The following KSR1 variants were observed in gnomAD, a reference collection of about 807,000 sequenced individuals.
The protein encoded by KSR1 is kinase suppressor of ras 1, also known as kinase suppressor of ras.
A neutral mutation model predicts 92.9 loss-of-function variants in KSR1; 35 were observed. The ratio of observed to expected loss-of-function variants is 0.38; its 90% CI spans 0.29 to 0.50. The LOEUF is 0.50. Ranked by LOEUF, KSR1 falls within the 20% of genes least tolerant of loss-of-function variation. The pLI, the probability that KSR1 is intolerant of heterozygous loss-of-function variation, is 0.94. For synonymous variants in KSR1, 467 were observed against 472.6 expected, an observed-to-expected ratio of 0.99 and a Z score of 0.15; for missense variants, 972 against 1,158.5, an observed-to-expected ratio of 0.84 and a Z score of 2.34.
intron 12 of KSR1, 86 bp from the exon 13 acceptor site, chr17:27,604,594 T>C (rs1397035171): frequency 7.5e-7 from 1 of 1,337,314 alleles, no homozygotes; most frequent in South Asian, 1.2e-5. Context: ...AGTACCTTTG[T>C]CTCAGATCTC....
chr17:27,502,118 C>G (rs1278219685), intron 1 of KSR1, among the ~76,000 whole-genome samples: 1 of 152,218 alleles, frequency 6.6e-6, no homozygotes, highest in Non-Finnish European at 1.5e-5. Flanking sequence ...GAAGAGTGAG[C>G]AAGGGGCTGA....
intron 1 of KSR1, among the ~76,000 whole-genome samples, chr17:27,527,617 A>G (rs1245169749): frequency 6.6e-6 from 1 of 151,414 alleles, no homozygotes; most frequent in Non-Finnish European, 1.5e-5. Context: ...CTGGCCTTGA[A>G]CTCCTGACCT....
intron 2 of KSR1, among the ~76,000 whole-genome samples, chr17:27,563,218 G>A (rs565504928): frequency 4.6e-5 from 7 of 152,088 alleles, no homozygotes; most frequent in Non-Finnish European, 8.8e-5. Context: ...TAGCAAATCC[G>A]GTTATGTTAC....
chr17:27,526,935 C>CCTTTCATGGTT (rs2070328188), intron 1 of KSR1: 1 of 607,072 alleles, frequency 1.6e-6, no homozygotes, highest in South Asian at 2.0e-5. Flanking sequence ...GGGGCTGACG[C>CCTTTCATGGTT]TCCCTTTCAC....
At chr17:27,537,721 A>G (rs2070802949) in intron 1 of KSR1, among the ~76,000 whole-genome samples, 1 of 152,160 alleles carries the variant, frequency 6.6e-6, no homozygotes, top group East Asian at 1.9e-4. Context: ...AAATAAAAAT[A>G]CCTATCGGGA....
chr17:27,555,511 C>CGTGTGTGT (rs71359222), intron 2 of KSR1, among the ~76,000 whole-genome samples: 3,162 of 150,168 alleles, frequency 0.021, 96 homozygotes, highest in African/African-American at 0.07. Flanking sequence ...TTTTGTTTGG[C>CGTGTGTGT]GTGTGTGTGT....
intron 1 of KSR1, among the ~76,000 whole-genome samples, chr17:27,467,300 G>T (rs1395313670): frequency 6.6e-6 from 1 of 152,206 alleles, no homozygotes; most frequent in Admixed American, 6.5e-5. Context: ...TCTAGGCTCT[G>T]GGGGGTAGCC....
At chr17:27,526,283 A>T in intron 1 of KSR1, 1 of 776,078 alleles carries the variant, frequency 1.3e-6, no homozygotes, top group South Asian at 1.9e-5. Context: ...CTACCACTCA[A>T]ATTTTCCTAG....
At chr17:27,473,790 C>G (rs927878805) in intron 1 of KSR1, among the ~76,000 whole-genome samples, 3 of 152,060 alleles carry the variant, frequency 2.0e-5, no homozygotes, top group African/African-American at 4.8e-5. Flanking sequence ...AAGGAAGAAT[C>G]CATCAACGAA....
chr17:27,505,366 C>G (rs533700794), intron 1 of KSR1, among the ~76,000 whole-genome samples: 1 of 152,348 alleles, frequency 6.6e-6, no homozygotes, highest in African/African-American at 2.4e-5. Context: ...TGACTCTGCC[C>G]CTTCTCTGTC....
rs867566515 is a variant in KSR1, at chr17:27,601,277, C to T, written c.1469-83C>T. 1.3e-4 allele frequency: 161 copies of T among 1,256,766 alleles called. No homozygotes were observed. The Middle Eastern group carries it at 5.2e-3, about 41-fold the overall frequency. 77.9% of individuals were successfully genotyped at this position (1,256,766 alleles called of 1,614,324 possible). Reference sequence around the variant, plus strand: ...CCAGCCCAGTAACAAGTCCCTGCCTCCCAAGCCGGTACCTGCAATTCCGCT... The same window carrying T: ...CCAGCCCAGTAACAAGTCCCTGCCTTCCAAGCCGGTACCTGCAATTCCGCT... On this transcript the variant is annotated intron_variant, in intron 10 of 20. Transcript: ENST00000644974.
intron 9 of KSR1, among the ~76,000 whole-genome samples, chr17:27,595,028 A>T (rs1021922395): frequency 6.6e-6 from 1 of 152,078 alleles, no homozygotes; most frequent in South Asian, 2.1e-4. Context: ...TCCAGCTCCC[A>T]CTTCTAGCTT....
intron 1 of KSR1, among the ~76,000 whole-genome samples, chr17:27,464,103 T>C (rs1057163565): frequency 3.3e-5 from 5 of 152,142 alleles, no homozygotes; most frequent in African/African-American, 1.2e-4. Context: ...GTCTGGCCTG[T>C]TGACTGAGGG....
At chr17:27,471,994 G>GCCTGCTTGGGGGCACCTGGACC (rs2020037204) in intron 1 of KSR1, 1 of 152,224 alleles carries the variant, frequency 6.6e-6, no homozygotes, top group Non-Finnish European at 1.5e-5. Flanking sequence ...GGCAGTCCCG[G>GCCTGCTTGGGGGCACCTGGACC]CCTGCTTGGG....
chr17:27,581,560 T>C (rs769381484), intron 3 of KSR1, among the ~76,000 whole-genome samples: 9 of 152,110 alleles, frequency 5.9e-5, no homozygotes, highest in Non-Finnish European at 1.0e-4. Flanking sequence ...AGCTGGCTCA[T>C]GTGGAGCTAG....
In KSR1 at chr17:27,605,522, G is replaced by A. The variant is rs574687960; in HGVS notation, c.1703G>A (p.Gly568Asp). 4 of 1,598,672 alleles carry A rather than the reference G, an allele frequency of 2.5e-6. No homozygotes were observed. Among genetic ancestry groups the A allele is most frequent in the East Asian group, 2.3e-5 (1 of 44,270 alleles). ...CCGAGCTCTCGCCGGCCCTGGCGGG[G>A]CCCCATCTCTCGCAAGGCCAGCCAG... ...DLPSSRRPWR[G>D]PISRKASQTS... The change falls in exon 14 of 21, where the codon GGC becomes GAC. Residue 568 changes from glycine to aspartate, a missense_variant. Gly to Asp is a moderately conservative substitution (Grantham distance 94). Transcript: ENST00000644974.
rs1247305109 is a variant in KSR1, at chr17:27,459,892, A to G, written c.231+3018A>G. On this transcript the variant is annotated intron_variant, in intron 1 of 20. Coordinates refer to ENST00000644974, the MANE Select transcript of KSR1 (RefSeq NM_001394583.1). The surrounding 1 kb of genome is among the most constrained non-coding windows in gnomAD (Gnocchi z 4.6). ...TGTGGTGGTCCAGTTTGGATGGAAA[A>G]GGGTAGAAGGAGCTGAGACTTAACG... 1.3e-5 allele frequency among the ~76,000 whole-genome samples: 2 copies of G among 152,106 alleles called. No homozygotes were observed. Among genetic ancestry groups the G allele is most frequent in the East Asian group, 1.9e-4 (1 of 5,194 alleles).
intron 1 of KSR1, among the ~76,000 whole-genome samples, chr17:27,481,317 C>G (rs2068502064): frequency 6.6e-6 from 1 of 152,110 alleles, no homozygotes. Context: ...GTCCTGAGCC[C>G]CAGTTTTCTT....
intron 1 of KSR1, among the ~76,000 whole-genome samples, chr17:27,542,521 T>C (rs1013566851): frequency 7.9e-5 from 12 of 152,072 alleles, no homozygotes; most frequent in African/African-American, 2.4e-4. Context: ...GCCAAGATCA[T>C]GGGTTTGAGA....
Sources: allele counts gnomAD v4.1 joint callset (sites outside exome capture counted in the v4.1 genomes callset), GRCh38; gene constraint gnomAD v4.1.1; non-coding constraint Gnocchi (gnomAD v3.1); transcripts MANE v1.5; gene names NCBI Gene and HGNC (gene_info 2026-07-23, HGNC 2026-07-21).